ESR2: variants seen among roughly 807,000 people sequenced by gnomAD.
The protein encoded by ESR2 is estrogen receptor beta.
A neutral mutation model predicts 49.6 loss-of-function variants in ESR2; 36 were observed. That is an observed-to-expected ratio of 0.73 (90% CI 0.56 to 0.96). The LOEUF (loss-of-function observed/expected upper bound fraction) is 0.96. Among genes scored for constraint, ESR2 ranks in the 40% least tolerant of loss-of-function variants. The probability of loss-of-function intolerance (pLI) is 0.00; values close to 1 mark genes in which losing one functional copy is unlikely to be tolerated. For missense variants in ESR2, 714 were observed against 693.0 expected (o/e 1.03, Z -0.34); for synonymous variants, 320 against 266.1 (o/e 1.20, Z -1.97).
upstream of ESR2, among the ~76,000 whole-genome samples, chr14:64,295,354 G>C (rs2076943691): frequency 6.6e-6 from 1 of 152,214 alleles, no homozygotes; most frequent in South Asian, 2.1e-4. Context: ...AGCCTCAGCT[G>C]TTTGGTGTTT....
chr14:64,240,866 C>T (rs963616943), intron 7 of ESR2, among the ~76,000 whole-genome samples: 4 of 152,106 alleles, frequency 2.6e-5, no homozygotes, highest in Non-Finnish European at 4.4e-5. Context: ...CTAGGCTGGC[C>T]GGGCGCGGTG....
At chr14:64,241,054 G>C (rs938057207) in intron 7 of ESR2, among the ~76,000 whole-genome samples, 10 of 150,146 alleles carry the variant, frequency 6.7e-5, no homozygotes, top group Non-Finnish European at 1.5e-5. Flanking sequence ...GCTGAGGCAG[G>C]AGAATGGCGT....
intron 7 of ESR2, among the ~76,000 whole-genome samples, chr14:64,238,755 T>TA (rs34179608): frequency 0.19 from 26,767 of 142,448 alleles, 3,925 homozygotes; most frequent in African/African-American, 0.42. Flanking sequence ...AAGTATAGTT[T>TA]AAAAAAAAAA....
intron 1 of ESR2, among the ~76,000 whole-genome samples, chr14:64,290,430 T>C (rs2076853208): frequency 6.6e-6 from 1 of 150,990 alleles, no homozygotes; most frequent in Non-Finnish European, 1.5e-5. Flanking sequence ...AGAGATAGAG[T>C]TTTGCTTTGT....
At chr14:64,277,509 C>T (rs1015617558) in intron 3 of ESR2, among the ~76,000 whole-genome samples, 1 of 151,434 alleles carries the variant, frequency 6.6e-6, no homozygotes, top group African/African-American at 2.4e-5. Context: ...CCTGTAATCC[C>T]AGCTACTTGG....
intron 1 of ESR2, among the ~76,000 whole-genome samples, chr14:64,319,790 G>C (rs577068397): frequency 6.6e-6 from 1 of 152,332 alleles, no homozygotes; most frequent in Non-Finnish European, 1.5e-5. Flanking sequence ...ATGCTGGTGA[G>C]GATGTGAGAG....
At chr14:64,301,805 T>C (rs1296601559) in intron 1 of ESR2, among the ~76,000 whole-genome samples, 1 of 152,192 alleles carries the variant, frequency 6.6e-6, no homozygotes, top group Non-Finnish European at 1.5e-5. Context: ...GACAAATTGC[T>C]GTAACGTGCC....
rs2076910080 is a variant in ESR2 at position 64,293,831 on chromosome 14, TAAA to T, written c.-91+199_-91+201del. ...TCAACCCAGAGCTCACGGCACAAAC[TAAA>T]TAAGTTAACTTGCCAGTGTCTTGAA... On this transcript the variant is annotated intron_variant, in intron 1 of 8. Transcript: ENST00000341099. Among the ~76,000 whole-genome samples the T allele has an allele frequency of 2.0e-5, 3 of 152,194 alleles. No individual in the cohort carries two copies. The South Asian group carries it at 6.2e-4, about 31-fold the overall frequency.
At chr14:64,233,565 A>T in intron 8 of ESR2, 1 of 512,204 alleles carries the variant, frequency 2.0e-6, no homozygotes, top group Non-Finnish European at 3.5e-6. Flanking sequence ...GACACATAGG[A>T]CAATCAATCC....
chr14:64,336,261 A>G (rs2077531032), intron 1 of ESR2: 1 of 152,206 alleles, frequency 6.6e-6, no homozygotes, highest in Admixed American at 6.5e-5. Context: ...GAAATTATCA[A>G]TGGAAGCACA....
intron 7 of ESR2, among the ~76,000 whole-genome samples, chr14:64,238,767 A>C (rs2075660730): frequency 6.6e-6 from 1 of 151,608 alleles, no homozygotes; most frequent in Non-Finnish European, 1.5e-5. Flanking sequence ...AAAAAAAAAA[A>C]CAAAAAAAAC....
chr14:64,229,911 G>T lies in ESR2; in HGVS notation c.*3226C>A, dbSNP rs929543595. The stretch of plus-strand genomic sequence containing the variant: ...AAATGTGGCGGGGCTGGGCACAGTG[G>T]CTCATGCCTGTAATCTCAGCACTTT... On this transcript the variant is annotated 3_prime_UTR_variant, in exon 9 of 9. Transcript: ENST00000341099. Among the ~76,000 whole-genome samples, 3 of 152,204 alleles carry T rather than the reference G, an allele frequency of 2.0e-5. No individual in the cohort carries two copies. The highest frequency in any genetic ancestry group is 4.4e-5 in the Non-Finnish European group (3 of 68,046).
At chr14:64,254,737 G>GAC (rs1361657196) in intron 6 of ESR2, among the ~76,000 whole-genome samples, 1 of 150,996 alleles carries the variant, frequency 6.6e-6, no homozygotes, top group Admixed American at 6.6e-5. Context: ...CAGCCTGGGT[G>GAC]ACAGAGCGAG....
upstream of ESR2, among the ~76,000 whole-genome samples, chr14:64,294,608 G>A: frequency 6.6e-6 from 1 of 152,146 alleles, no homozygotes; most frequent in East Asian, 1.9e-4. Flanking sequence ...CTGGAGTAGG[G>A]CCTGAGAATA....
intron 5 of ESR2, 80 bp downstream of exon 5, chr14:64,260,369 A>G (rs1049948461): frequency 3.7e-6 from 5 of 1,334,452 alleles, no homozygotes; most frequent in East Asian, 2.3e-5. Flanking sequence ...ATGGACCTCT[A>G]CTTTGTACTC....
chr14:64,284,231 C>T (rs993190120), intron 1 of ESR2, among the ~76,000 whole-genome samples: 2 of 149,254 alleles, frequency 1.3e-5, no homozygotes, highest in South Asian at 2.2e-4. Flanking sequence ...GCCTGGCCTA[C>T]GTATCAGTTT....
At chr14:64,314,595 CG>C (rs2077229040) in intron 1 of ESR2, among the ~76,000 whole-genome samples, 1 of 151,676 alleles carries the variant, frequency 6.6e-6, no homozygotes, top group Non-Finnish European at 1.5e-5. Context: ...TTAATAAAAT[CG>C]GCTGGGCACG....
intron 1 of ESR2, among the ~76,000 whole-genome samples, chr14:64,302,191 TATTTA>T: frequency 1.4e-5 from 2 of 146,562 alleles, no homozygotes; most frequent in East Asian, 4.5e-4. Context: ...TTTATTTATT[TATTTA>T]TTTATTTTTT....
At chr14:64,252,409 T>G (rs1020108877) in intron 6 of ESR2, among the ~76,000 whole-genome samples, 2 of 152,206 alleles carry the variant, frequency 1.3e-5, no homozygotes, top group Admixed American at 6.5e-5. Context: ...GAAATTTATT[T>G]TTGCACACTA....
Sources: gnomAD v4.1 joint callset for allele counts (sites outside exome capture counted in the v4.1 genomes callset) on GRCh38, gnomAD v4.1.1 for gene constraint, MANE v1.5 for transcripts, NCBI Gene and HGNC (gene_info 2026-07-23, HGNC 2026-07-21) for gene names.